Variants in CNTN4 observed in about 807,000 individuals in gnomAD.
CNTN4 encodes contactin 4.
A neutral mutation model predicts 122.5 loss-of-function variants in CNTN4; 77 were observed. That is an observed-to-expected ratio of 0.63 (90% CI 0.52 to 0.76). The LOEUF is 0.76. Ranked by LOEUF, CNTN4 falls within the 30% of genes least tolerant of loss-of-function variation. The pLI is 0.00. For synonymous variants in CNTN4, 512 were observed against 447.0 expected (o/e 1.15, Z -1.83); for missense variants, 1,256 against 1,259.1 (o/e 1.00, Z 0.04).
chr3:2,711,995 A>G (rs2087180351), intron 4 of CNTN4, among the ~76,000 whole-genome samples: 1 of 152,180 alleles, frequency 6.6e-6, no homozygotes, highest in Non-Finnish European at 1.5e-5. Context: ...TTTATGGGAT[A>G]GTTTATTTAT....
intron 3 of CNTN4, among the ~76,000 whole-genome samples, chr3:2,399,352 G>A (rs2046756288): frequency 6.6e-6 from 1 of 151,854 alleles, no homozygotes; most frequent in African/African-American, 2.4e-5. Context: ...TAACTTCTGT[G>A]GCCATAGTTT....
intron 2 of CNTN4, among the ~76,000 whole-genome samples, chr3:2,184,998 AG>A (rs2037182033): frequency 6.6e-6 from 1 of 152,128 alleles, no homozygotes; most frequent in African/African-American, 2.4e-5. Flanking sequence ...CTACAATCAC[AG>A]GGTTGTTTAC....
chr3:2,302,861 G>A (rs1248692120), intron 2 of CNTN4, among the ~76,000 whole-genome samples: 6 of 152,064 alleles, frequency 3.9e-5, no homozygotes, highest in South Asian at 4.1e-4. Flanking sequence ...CACACTGTAT[G>A]TGCTTCATTA....
At chr3:2,340,406 G>C (rs1317419665) in intron 3 of CNTN4, among the ~76,000 whole-genome samples, 2 of 151,422 alleles carry the variant, frequency 1.3e-5, no homozygotes, top group East Asian at 3.9e-4. Context: ...TTCGGTACAG[G>C]GTTTGATAAC....
At chr3:2,797,004 G>A (rs2092206297) in intron 6 of CNTN4, among the ~76,000 whole-genome samples, 2 of 151,998 alleles carry the variant, frequency 1.3e-5, no homozygotes, top group Admixed American at 6.6e-5. Context: ...TTTTGTTATT[G>A]TTGTTGTTTT....
chr3:2,882,192 G>A (rs545273906), intron 8 of CNTN4, among the ~76,000 whole-genome samples: 14 of 151,992 alleles, frequency 9.2e-5, no homozygotes, highest in South Asian at 6.2e-4. Flanking sequence ...GTGAAACCCC[G>A]TCTCCACTAA....
intron 13 of CNTN4, among the ~76,000 whole-genome samples, chr3:2,981,473 G>A (rs1694012280): frequency 1.3e-5 from 2 of 151,796 alleles, no homozygotes; most frequent in East Asian, 1.9e-4. Flanking sequence ...ACCTTACCGA[G>A]GACTCCCGTA....
intron 20 of CNTN4, 55 bp downstream of exon 20, chr3:3,040,326 T>C: frequency 2.2e-6 from 3 of 1,355,578 alleles, no homozygotes; most frequent in Non-Finnish European, 3.2e-6. Flanking sequence ...AATTCTAAAA[T>C]GTGGATTGTA....
At chr3:2,616,364 T>C (rs1576230513) in intron 4 of CNTN4, among the ~76,000 whole-genome samples, 1 of 152,214 alleles carries the variant, frequency 6.6e-6, no homozygotes. Context: ...ACATTTTCTT[T>C]TTCCAGTCTA....
intron 3 of CNTN4, among the ~76,000 whole-genome samples, chr3:2,526,956 G>A (rs1473939990): frequency 6.6e-6 from 1 of 152,104 alleles, no homozygotes; most frequent in Non-Finnish European, 1.5e-5. Context: ...TGTTTTCATT[G>A]CTGACTTTCT....
chr3:2,875,602 G>A (rs2093834533), intron 8 of CNTN4, among the ~76,000 whole-genome samples: 1 of 152,074 alleles, frequency 6.6e-6, no homozygotes, highest in African/African-American at 2.4e-5. Context: ...GCAGTAACAG[G>A]GACTGTATAG....
chr3:2,171,179 C>A (rs1292004963), intron 2 of CNTN4, among the ~76,000 whole-genome samples: 1 of 152,032 alleles, frequency 6.6e-6, no homozygotes, highest in Non-Finnish European at 1.5e-5. Context: ...CATCCAAAAA[C>A]CATGCACCTA....
chr3:2,278,789 A>T (rs1017200847), intron 2 of CNTN4, among the ~76,000 whole-genome samples: 12 of 149,770 alleles, frequency 8.0e-5, no homozygotes, highest in Non-Finnish European at 1.8e-4. Flanking sequence ...TCATAATATT[A>T]CTGTGAGGAT....
At position 3,057,542 on chromosome 3, in the gene CNTN4, T is replaced by C. The variant is rs539263108; in HGVS notation, c.*1322T>C. On this transcript the variant is annotated 3_prime_UTR_variant, in exon 25 of 25. Coordinates refer to ENST00000418658, the MANE Select transcript of CNTN4 (RefSeq NM_175607.3). ...AGTGACATAAAAGGCAATGGAATTT[T>C]CTATAAACATTTTCTCATGTAAACA... 1 of 152,796 alleles carries C rather than the reference T, an allele frequency of 6.5e-6. No homozygotes were observed. Among genetic ancestry groups the C allele is most frequent in the African/African-American group, 2.4e-5 (1 of 41,604 alleles). The allele number at this position is 152,796 out of a possible 1,614,324, so 9.5% of individuals were successfully genotyped here.
chr3:2,375,354 A>G (rs1382042321), intron 3 of CNTN4, among the ~76,000 whole-genome samples: 1 of 152,034 alleles, frequency 6.6e-6, no homozygotes, highest in East Asian at 1.9e-4. Context: ...TTTCCCTCTC[A>G]TTTCTTTCTT....
intron 4 of CNTN4, among the ~76,000 whole-genome samples, chr3:2,720,098 G>T (rs1344878938): frequency 6.6e-6 from 1 of 152,016 alleles, no homozygotes; most frequent in African/African-American, 2.4e-5. Flanking sequence ...GTGTGACTAG[G>T]GTAAGTATCA....
chr3:2,586,951 T>G (rs190937125), intron 4 of CNTN4, among the ~76,000 whole-genome samples: 2 of 152,282 alleles, frequency 1.3e-5, no homozygotes, highest in African/African-American at 4.8e-5. Context: ...CTTCCCTCCT[T>G]TGATTTTTCA....
chr3:2,412,445 G>A (rs967574550), intron 3 of CNTN4, among the ~76,000 whole-genome samples: 2 of 151,992 alleles, frequency 1.3e-5, no homozygotes, highest in East Asian at 3.9e-4. Flanking sequence ...TGGAGACGGG[G>A]TTTCACTATG....
At chr3:2,369,457 A>C (rs2045544657) in intron 3 of CNTN4, among the ~76,000 whole-genome samples, 1 of 152,218 alleles carries the variant, frequency 6.6e-6, no homozygotes, top group Non-Finnish European at 1.5e-5. Context: ...AGATATTGAT[A>C]TGAAGAGCAA....
Sources: gnomAD v4.1 joint callset for allele counts (sites outside exome capture counted in the v4.1 genomes callset) on GRCh38, gnomAD v4.1.1 for gene constraint, MANE v1.5 for transcripts, NCBI Gene and HGNC (gene_info 2026-07-23, HGNC 2026-07-21) for gene names.